FUT9: variants seen among roughly 807,000 people sequenced by gnomAD.
FUT9 encodes the protein 4-galactosyl-N-acetylglucosaminide 3-alpha-L-fucosyltransferase 9.
FUT9 carries 15 observed loss-of-function variants against 29.7 expected under a neutral mutation model. That is an observed-to-expected ratio of 0.51 (90% CI 0.34 to 0.78). FUT9 has a LOEUF of 0.78. FUT9 is among the 30% of genes least tolerant of loss of function. The probability of loss-of-function intolerance (pLI) is 0.01; values close to 1 mark genes in which losing one functional copy is unlikely to be tolerated. For missense variants in FUT9, 319 were observed against 425.4 expected, an observed-to-expected ratio of 0.75 and a Z score of 2.20; for synonymous variants, 169 against 153.7, an observed-to-expected ratio of 1.10 and a Z score of -0.74.
At chr6:96,143,516 C>T (rs1310097990) in intron 2 of FUT9, among the ~76,000 whole-genome samples, 1 of 151,646 alleles carries the variant, frequency 6.6e-6, no homozygotes, top group African/African-American at 2.4e-5. Context: ...CTTTCATCTC[C>T]TCCTCCTTCT....
At chr6:96,138,487 T>C (rs1474730362) in intron 2 of FUT9, among the ~76,000 whole-genome samples, 2 of 151,316 alleles carry the variant, frequency 1.3e-5, no homozygotes, top group Non-Finnish European at 3.0e-5. Context: ...TCCTTGCTTT[T>C]TTTTTTTTTT....
At chr6:96,059,873 A>G (rs753840586) in intron 1 of FUT9, among the ~76,000 whole-genome samples, 5 of 152,182 alleles carry the variant, frequency 3.3e-5, no homozygotes, top group Non-Finnish European at 7.3e-5. Context: ...AGTTGCCAAA[A>G]TATTTCATGT....
intron 1 of FUT9, among the ~76,000 whole-genome samples, chr6:96,088,530 TTGTGTGTGTGTGTGTGTGTG>T (rs35995545): frequency 2.0e-5 from 3 of 148,712 alleles, no homozygotes; most frequent in East Asian, 2.0e-4. Flanking sequence ...TTTGTTTGTT[TTGTGTGTGTGTGTGTGTGTG>T]TGTGTGTGTG....
intron 2 of FUT9, among the ~76,000 whole-genome samples, chr6:96,181,634 C>A (rs528743609): frequency 1.3e-5 from 2 of 151,878 alleles, no homozygotes; most frequent in East Asian, 3.9e-4. Context: ...TATGCCTTTG[C>A]ATCCTCATAT....
chr6:96,034,346 C>A (rs1438756715), intron 1 of FUT9, among the ~76,000 whole-genome samples: 1 of 151,474 alleles, frequency 6.6e-6, no homozygotes, highest in Non-Finnish European at 1.5e-5. Flanking sequence ...AACCCTATTA[C>A]CTACTTATAC....
chr6:96,052,078 A>G (rs912792600), intron 1 of FUT9, among the ~76,000 whole-genome samples: 9 of 152,168 alleles, frequency 5.9e-5, no homozygotes, highest in African/African-American at 2.2e-4. Context: ...GAAACTTACA[A>G]TCATGGTGGA....
intron 2 of FUT9, among the ~76,000 whole-genome samples, chr6:96,142,248 A>G (rs1772476917): frequency 6.6e-6 from 1 of 152,202 alleles, no homozygotes; most frequent in South Asian, 2.1e-4. Flanking sequence ...TGTATTAACA[A>G]GCGATAAGTG....
At position 96,205,601 on chromosome 6, in the gene FUT9, CTA is replaced by C; in HGVS notation, c.*1367_*1368del. The C allele has an allele frequency of 6.0e-6, 1 of 166,770 alleles. No homozygotes were observed. Among genetic ancestry groups the C allele is most frequent in the East Asian group, 1.9e-4 (1 of 5,184 alleles). 10.3% of individuals were successfully genotyped at this position (166,770 alleles called of 1,614,324 possible). A position where few individuals can be genotyped will look rare whatever the true frequency, so the allele number is the denominator to read the frequency against. ...GCCTATAGCATTCTCCTCCATAAGGCTAGAGGAGAGCTGGATATAAGCAGAGA... is the reference window on the plus strand; with the variant it reads ...GCCTATAGCATTCTCCTCCATAAGGCGAGGAGAGCTGGATATAAGCAGAGA... On this transcript the variant is annotated 3_prime_UTR_variant, in exon 3 of 3. Transcript: ENST00000302103.
chr6:96,177,004 A>T (rs930345623), intron 2 of FUT9, among the ~76,000 whole-genome samples: 3 of 152,120 alleles, frequency 2.0e-5, no homozygotes, highest in Non-Finnish European at 4.4e-5. Context: ...GGCAATTTGG[A>T]GAACTGTCTC....
intron 2 of FUT9, among the ~76,000 whole-genome samples, chr6:96,166,338 A>C (rs1025266919): frequency 6.6e-6 from 1 of 152,318 alleles, no homozygotes; most frequent in African/African-American, 2.4e-5. Context: ...AGTTGTTCAA[A>C]CATTATCTTA....
intron 2 of FUT9, among the ~76,000 whole-genome samples, chr6:96,148,216 T>C (rs1772609468): frequency 6.6e-6 from 1 of 152,144 alleles, no homozygotes. Flanking sequence ...AAATCTAAGT[T>C]CTAGCTGATT....
intron 2 of FUT9, among the ~76,000 whole-genome samples, chr6:96,181,791 G>A (rs374330220): frequency 1.6e-4 from 25 of 151,832 alleles, no homozygotes; most frequent in East Asian, 5.8e-4. Flanking sequence ...GTATTCCACC[G>A]TATATATAAC....
At chr6:96,158,866 C>T (rs1457389775) in intron 2 of FUT9, among the ~76,000 whole-genome samples, 1 of 152,076 alleles carries the variant, frequency 6.6e-6, no homozygotes, top group African/African-American at 2.4e-5. Flanking sequence ...TAAGCACTTG[C>T]TTGCAGATTT....
At chr6:96,023,316 A>G (rs898751094) in intron 1 of FUT9, among the ~76,000 whole-genome samples, 1 of 151,948 alleles carries the variant, frequency 6.6e-6, no homozygotes, top group African/African-American at 2.4e-5. Context: ...ATTTTGTCAG[A>G]ATTTATCAGC....
Position 96,208,964 on chromosome 6 carries a change from T to C in FUT9, c.*4729T>C, listed in dbSNP as rs542335912. 4.8e-5 allele frequency: 8 copies of C among 166,804 alleles called. No individual in the cohort carries two copies. The highest frequency in any genetic ancestry group is 1.2e-4 in the Non-Finnish European group (8 of 67,974). The allele number at this position is 166,804 out of a possible 1,614,324, so 10.3% of individuals were successfully genotyped here. ...CATTTTGCAAATGGGTATGCTTCAC[T>C]ACTATCCACAGTGTTCTCCCCTTTA... On this transcript the variant is annotated 3_prime_UTR_variant, in exon 3 of 3. Coordinates refer to ENST00000302103, the MANE Select transcript of FUT9 (RefSeq NM_006581.4).
At chr6:96,046,861 T>C (rs1327026227) in intron 1 of FUT9, among the ~76,000 whole-genome samples, 1 of 152,244 alleles carries the variant, frequency 6.6e-6, no homozygotes, top group Non-Finnish European at 1.5e-5. Context: ...TGTGCTTTCC[T>C]CTAAAGGAAT....
intron 1 of FUT9, among the ~76,000 whole-genome samples, chr6:96,110,827 T>TTATTTATTTATTTATTTATTTATG (rs1771792391): frequency 6.6e-6 from 1 of 151,500 alleles, no homozygotes; most frequent in Non-Finnish European, 1.5e-5. Context: ...ATTTATTTAT[T>TTATTTATTTATTTATTTATTTATG]TATTTATTTA....
At chr6:96,188,710 G>GAGATATAT (rs1554198931) in intron 2 of FUT9, among the ~76,000 whole-genome samples, 3 of 146,346 alleles carry the variant, frequency 2.0e-5, no homozygotes, top group African/African-American at 7.5e-5. Context: ...TATATTATTT[G>GAGATATAT]ATATATATAT....
At chr6:96,125,081 G>C (rs1386884044) in intron 2 of FUT9, among the ~76,000 whole-genome samples, 1 of 152,158 alleles carries the variant, frequency 6.6e-6, no homozygotes, top group Non-Finnish European at 1.5e-5. Context: ...TTAAGCTATA[G>C]GGGTCTCACC....
Sources: gnomAD v4.1 joint callset for allele counts (sites outside exome capture counted in the v4.1 genomes callset) on GRCh38, gnomAD v4.1.1 for gene constraint, MANE v1.5 for transcripts, NCBI Gene and HGNC (gene_info 2026-07-23, HGNC 2026-07-21) for gene names.